PCDHGB7: variants seen among roughly 807,000 people sequenced by gnomAD.
PCDHGB7 encodes the protein protocadherin gamma subfamily B, 7.
PCDHGB7 carries 37 observed loss-of-function variants against 61.4 expected under a neutral mutation model. The ratio of observed to expected loss-of-function variants is 0.60; its 90% CI spans 0.46 to 0.79. The LOEUF is 0.79. Among genes scored for constraint, PCDHGB7 ranks in the 30% least tolerant of loss-of-function variants. PCDHGB7 has a pLI of 0.00. For synonymous variants in PCDHGB7, 464 were observed against 503.5 expected (o/e 0.92, Z 1.05); for missense variants, 1,166 against 1,202.5 (o/e 0.97, Z 0.45).
At position 141,486,417 on chromosome 5, in the gene PCDHGB7, G is replaced by T. The variant is rs1298448753; in HGVS notation, c.2416-8390G>T. On this transcript the variant is annotated intron_variant, in intron 1 of 3. Transcript: ENST00000398594. The surrounding 1 kb of genome is among the most constrained non-coding windows in gnomAD (Gnocchi z 5.0). ...CTGGTGACTGCTGGACCCTTGGATCGAGAGGCCAAATCTAGCTATGACATC... is the reference window on the plus strand; with the variant it reads ...CTGGTGACTGCTGGACCCTTGGATCTAGAGGCCAAATCTAGCTATGACATC... The T allele has an allele frequency of 6.2e-7, 1 of 1,614,014 alleles. No homozygotes were observed. The highest frequency in any genetic ancestry group is 1.7e-5 in the Admixed American group (1 of 60,010).
rs2154555227 is a variant in PCDHGB7, at chr5:141,432,737, C to G, written c.2415+12463C>G. ...GCCCCCTCTCTCCGCCACTGTCACG[C>G]TCACCGTGGCCGTGGCCGACAGCAT... On this transcript the variant is annotated intron_variant, in intron 1 of 3. Coordinates refer to ENST00000398594, the MANE Select transcript of PCDHGB7 (RefSeq NM_018927.4). This position sits in a 1 kb window ranked among gnomAD's most constrained non-coding sequence, Gnocchi z 6.0. 6.2e-7 allele frequency: 1 copy of G among 1,614,110 alleles called. No homozygotes were observed. The highest frequency in any genetic ancestry group is 8.5e-7 in the Non-Finnish European group (1 of 1,180,002).
rs750233767 is a variant in PCDHGB7 at position 141,490,877 on chromosome 5, C to A, written c.2416-3930C>A. 1 of 1,613,880 alleles carries A rather than the reference C, an allele frequency of 6.2e-7. No individual in the cohort carries two copies. Among genetic ancestry groups the A allele is most frequent in the Non-Finnish European group, 8.5e-7 (1 of 1,179,900 alleles). On this transcript the variant is annotated intron_variant, in intron 1 of 3. Coordinates refer to ENST00000398594, the MANE Select transcript of PCDHGB7 (RefSeq NM_018927.4). This position sits in a 1 kb window ranked among gnomAD's most constrained non-coding sequence, Gnocchi z 5.4. Reference sequence around the variant, plus strand: ...GACTCCGGCTCTCCCCCATTGCATGCCAACACATCTCTGCATGTGTTTGTC... The same window carrying A: ...GACTCCGGCTCTCCCCCATTGCATGACAACACATCTCTGCATGTGTTTGTC...
Position 141,489,802 on chromosome 5 carries a change from G to A in PCDHGB7, c.2416-5005G>A, listed in dbSNP as rs2099692541. On this transcript the variant is annotated intron_variant, in intron 1 of 3. Transcript: ENST00000398594. The surrounding 1 kb of genome is among the most constrained non-coding windows in gnomAD (Gnocchi z 4.5). ...TCTGAATGTGAAGACCCTAAAAGAT[G>A]GGAAGCCATTCCCAGAGCTGGTGCT... is the stretch of plus-strand genomic sequence containing the variant. 6.2e-7 allele frequency: 1 copy of A among 1,614,042 alleles called. No homozygotes were observed. The highest frequency in any genetic ancestry group is 1.1e-5 in the South Asian group (1 of 91,088).
In PCDHGB7 at chr5:141,490,951, T is replaced by C. The variant is rs778168052; in HGVS notation, c.2416-3856T>C. 20 of 1,613,640 alleles carry C rather than the reference T, an allele frequency of 1.2e-5. No homozygotes were observed. Among genetic ancestry groups the C allele is most frequent in the Middle Eastern group, 1.6e-4 (1 of 6,084 alleles). On this transcript the variant is annotated intron_variant, in intron 1 of 3. Coordinates refer to ENST00000398594, the MANE Select transcript of PCDHGB7 (RefSeq NM_018927.4). This position sits in a 1 kb window ranked among gnomAD's most constrained non-coding sequence, Gnocchi z 5.4. The stretch of plus-strand genomic sequence containing the variant: ...AGCTGTGCTGCACCCACGGCCAGAC[T>C]GGGAACACTCAGCCCCCCAGCGTCT...
At position 141,486,121 on chromosome 5, in the gene PCDHGB7, T is replaced by C. The variant is rs371827617; in HGVS notation, c.2416-8686T>C. 5.6e-6 allele frequency: 9 copies of C among 1,614,086 alleles called. No individual in the cohort carries two copies. The highest frequency in any genetic ancestry group is 2.2e-5 in the South Asian group (2 of 91,082). ...TAGACTTTGAGAGTGAGAATTACTATGAATTTGATGTGCGGGCTCGCGATG... is the reference window on the plus strand; with the variant it reads ...TAGACTTTGAGAGTGAGAATTACTACGAATTTGATGTGCGGGCTCGCGATG... On this transcript the variant is annotated intron_variant, in intron 1 of 3. Coordinates refer to ENST00000398594, the MANE Select transcript of PCDHGB7 (RefSeq NM_018927.4). This position sits in a 1 kb window ranked among gnomAD's most constrained non-coding sequence, Gnocchi z 5.0.
At chr5:141,444,183 T>G (rs2098423667) in intron 1 of PCDHGB7, among the ~76,000 whole-genome samples, 1 of 138,396 alleles carries the variant, frequency 7.2e-6, no homozygotes, top group African/African-American at 2.8e-5. Flanking sequence ...TTTTTTTTTT[T>G]TTTTTGAGAT....
chr5:141,504,941 T>G (rs2099842166), intron 2 of PCDHGB7, among the ~76,000 whole-genome samples: 1 of 152,046 alleles, frequency 6.6e-6, no homozygotes, highest in East Asian at 1.9e-4. Flanking sequence ...GGTGGGGGAA[T>G]GCACTATGTT....
At chr5:141,468,924 C>G (rs1434433938) in intron 1 of PCDHGB7, among the ~76,000 whole-genome samples, 1 of 150,520 alleles carries the variant, frequency 6.6e-6, no homozygotes, top group Non-Finnish European at 1.5e-5. Context: ...GAGAATAGCA[C>G]TAAAATGGGA....
Position 141,490,850 on chromosome 5 carries a change from G to A in PCDHGB7, c.2416-3957G>A, listed in dbSNP as rs374508743. The A allele has an allele frequency of 7.2e-5, 116 of 1,613,706 alleles. No homozygotes were observed. The highest frequency in any genetic ancestry group is 9.5e-5 in the Non-Finnish European group (112 of 1,179,902). ...ATGCTGCAGATTGTGGTGGGGGTTC[G>A]AGACTCCGGCTCTCCCCCATTGCAT... On this transcript the variant is annotated intron_variant, in intron 1 of 3. Transcript: ENST00000398594. This position sits in a 1 kb window ranked among gnomAD's most constrained non-coding sequence, Gnocchi z 5.4.
chr5:141,511,361 G>C lies in PCDHGB7; in HGVS notation c.*188G>C, dbSNP rs2099883750. 7.4e-7 allele frequency: 1 copy of C among 1,345,388 alleles called. No individual in the cohort carries two copies. Among genetic ancestry groups the C allele is most frequent in the Non-Finnish European group, 9.9e-7 (1 of 1,006,550 alleles). The allele number at this position is 1,345,388 out of a possible 1,614,324, so 83.3% of individuals were successfully genotyped here. On this transcript the variant is annotated 3_prime_UTR_variant, in exon 4 of 4. Transcript: ENST00000398594. ...CCTACCCCTTCCCCCCCAGGGGGTTGAATATGCAAAAGCAGTTCCGCTGGG... is the reference window on the plus strand; with the variant it reads ...CCTACCCCTTCCCCCCCAGGGGGTTCAATATGCAAAAGCAGTTCCGCTGGG...
chr5:141,421,524 G>A (rs375937711), intron 1 of PCDHGB7: 25 of 1,613,940 alleles, frequency 1.5e-5, no homozygotes, highest in Admixed American at 5.0e-5. Context: ...TCTGTGAGAC[G>A]GTGTCCTCCT....
In PCDHGB7 at chr5:141,476,715, G is replaced by A. The variant is rs199871912; in HGVS notation, c.2416-18092G>A. 12 of 1,614,168 alleles carry A rather than the reference G, an allele frequency of 7.4e-6. No individual in the cohort carries two copies. The highest frequency in any genetic ancestry group is 1.7e-5 in the Admixed American group (1 of 60,032). On this transcript the variant is annotated intron_variant, in intron 1 of 3. Coordinates refer to ENST00000398594, the MANE Select transcript of PCDHGB7 (RefSeq NM_018927.4). The surrounding 1 kb of genome is among the most constrained non-coding windows in gnomAD (Gnocchi z 7.6). ...AAGTACGCGGAGCTGGTGTTGGAGC[G>A]CGCCCTGGACCGAGAACGGGAGCCT...
At chr5:141,464,923 A>G (rs544281066) in intron 1 of PCDHGB7, among the ~76,000 whole-genome samples, 3 of 151,406 alleles carry the variant, frequency 2.0e-5, no homozygotes, top group Non-Finnish European at 4.4e-5. Flanking sequence ...ATTTTTTTGT[A>G]GAGATGTGAG....
chr5:141,421,491 A>G (rs934861223), intron 1 of PCDHGB7: 8 of 1,614,102 alleles, frequency 5.0e-6, no homozygotes, highest in Non-Finnish European at 6.8e-6. Context: ...TGATCACGGC[A>G]GGCAGGATAG....
Position 141,431,994 on chromosome 5 carries a change from G to A in PCDHGB7, c.2415+11720G>A, listed in dbSNP as rs2097434865. ...TTAGTCACAGACATAGTCTTGGATA[G>A]GGAACAGGTTCCTAGCTACAACATC... On this transcript the variant is annotated intron_variant, in intron 1 of 3. Coordinates refer to ENST00000398594, the MANE Select transcript of PCDHGB7 (RefSeq NM_018927.4). The surrounding 1 kb of genome is among the most constrained non-coding windows in gnomAD (Gnocchi z 4.8). 6.2e-7 allele frequency: 1 copy of A among 1,614,188 alleles called. No homozygotes were observed. Among genetic ancestry groups the A allele is most frequent in the Non-Finnish European group, 8.5e-7 (1 of 1,180,038 alleles).
chr5:141,438,983 T>C (rs1296267457), intron 1 of PCDHGB7, among the ~76,000 whole-genome samples: 1 of 151,930 alleles, frequency 6.6e-6, no homozygotes, highest in Non-Finnish European at 1.5e-5. Context: ...TGACTTATCT[T>C]AAAAGGCTAA....
At chr5:141,469,543 C>T (rs1031152008) in intron 1 of PCDHGB7, among the ~76,000 whole-genome samples, 1 of 152,040 alleles carries the variant, frequency 6.6e-6, no homozygotes, top group Non-Finnish European at 1.5e-5. Context: ...CCACTGCACT[C>T]CAGCCTGGCG....
rs1229317913 is a variant in PCDHGB7 at position 141,489,752 on chromosome 5, C to T, written c.2416-5055C>T. ...GGCACCAATACTGTGAGCTTTTACACTCTAAGCCCCAACAGCCACTTCTCT... is the reference window on the plus strand; with the variant it reads ...GGCACCAATACTGTGAGCTTTTACATTCTAAGCCCCAACAGCCACTTCTCT... On this transcript the variant is annotated intron_variant, in intron 1 of 3. Transcript: ENST00000398594. The surrounding 1 kb of genome is among the most constrained non-coding windows in gnomAD (Gnocchi z 4.5). 1.2e-6 allele frequency: 2 copies of T among 1,614,018 alleles called. No individual in the cohort carries two copies. Among genetic ancestry groups the T allele is most frequent in the Non-Finnish European group, 1.7e-6 (2 of 1,179,980 alleles).
At chr5:141,433,273 A>T in intron 1 of PCDHGB7, 1 of 1,258,988 alleles carries the variant, frequency 7.9e-7, no homozygotes. Flanking sequence ...AGCTCACTGC[A>T]GCCTCAAACT....
Sources: gnomAD v4.1 joint callset for allele counts (sites outside exome capture counted in the v4.1 genomes callset) on GRCh38, gnomAD v4.1.1 for gene constraint, Gnocchi (gnomAD v3.1) non-coding constraint, MANE v1.5 for transcripts, NCBI Gene and HGNC (gene_info 2026-07-23, HGNC 2026-07-21) for gene names.